H2AZ2: variants seen among roughly 807,000 people sequenced by gnomAD.
H2AZ2 encodes the protein histone H2A.V.
A neutral mutation model predicts 15.5 loss-of-function variants in H2AZ2; 5 were observed. That is an observed-to-expected ratio of 0.32 (90% confidence interval 0.17 to 0.68). The LOEUF (loss-of-function observed/expected upper bound fraction) is 0.68, where lower values mean the gene tolerates loss of function less well. Ranked by LOEUF, H2AZ2 falls within the 30% of genes least tolerant of loss-of-function variation. The pLI, the probability that H2AZ2 is intolerant of heterozygous loss-of-function variation, is 0.72. For synonymous variants in H2AZ2, 44 were observed against 57.4 expected, an observed-to-expected ratio of 0.77 and a Z score of 1.05; for missense variants, 42 against 162.5, an observed-to-expected ratio of 0.26 and a Z score of 4.03.
At chr7:44,839,360 T>C (rs186597642) in intron 3 of H2AZ2, among the ~76,000 whole-genome samples, 135 of 151,916 alleles carry the variant, frequency 8.9e-4, no homozygotes, top group Non-Finnish European at 1.7e-3. Flanking sequence ...CTGGGTAACA[T>C]AGGGAGCCCT....
At chr7:44,828,229 T>C (rs908874163), downstream of H2AZ2, 2 of 152,218 alleles carry the variant, frequency 1.3e-5, no homozygotes, top group African/African-American at 2.4e-5. Flanking sequence ...CATTACTTAT[T>C]ATTATTACTG....
intron 3 of H2AZ2, among the ~76,000 whole-genome samples, chr7:44,838,560 G>T (rs1265677194): frequency 1.3e-5 from 2 of 152,080 alleles, no homozygotes; most frequent in Admixed American, 1.3e-4. Context: ...GGCTGAGGTG[G>T]GAGAATTACT....
At chr7:44,831,557 C>T (rs540404963), downstream of H2AZ2, among the ~76,000 whole-genome samples, 50 of 142,112 alleles carry the variant, frequency 3.5e-4, no homozygotes, top group African/African-American at 1.2e-3. Flanking sequence ...TTTTTTCAAA[C>T]AATCAGCTTT....
At chr7:44,836,070 C>T (rs1793114302) in intron 3 of H2AZ2, among the ~76,000 whole-genome samples, 1 of 149,134 alleles carries the variant, frequency 6.7e-6, no homozygotes, top group African/African-American at 2.5e-5. Flanking sequence ...GGGTTATTCT[C>T]CTGCCCTAGC....
rs759791184 is a variant in H2AZ2, at chr7:44,834,562, C to A, written c.326G>T (p.Gly109Val). The A allele has an allele frequency of 6.3e-7, 1 of 1,596,216 alleles. No homozygotes were observed. The highest frequency in any genetic ancestry group is 8.6e-7 in the Non-Finnish European group (1 of 1,166,446). The change falls in exon 5 of 5, where the codon GGT becomes GTT. Residue 109 changes from glycine (G) to valine (V), a missense_variant and splice_region_variant. Physicochemically the swap from Gly to Val is moderately radical, Grantham distance 109. Coordinates refer to ENST00000308153, the MANE Select transcript of H2AZ2 (RefSeq NM_012412.5). ...SLIKATIAGG[G>V]VIPHIHKSLI... Reference sequence around the variant, plus strand: ...AGATTTGTGGATGTGAGGGATCACACCTAGAATGAAATTTAAAAAAGTTAT... The same window carrying A: ...AGATTTGTGGATGTGAGGGATCACAACTAGAATGAAATTTAAAAAAGTTAT...
At chr7:44,829,023 A>ATC (rs1792964646), downstream of H2AZ2, 1 of 152,182 alleles carries the variant, frequency 6.6e-6, no homozygotes, top group South Asian at 2.1e-4. Flanking sequence ...CCAGGATAAT[A>ATC]TCTCTATTTT....
At chr7:44,843,453 T>C (rs1036727003) in intron 1 of H2AZ2, 99 bp from the exon 2 acceptor site, 3 of 746,078 alleles carry the variant, frequency 4.0e-6, no homozygotes, top group Non-Finnish European at 6.9e-6. Context: ...CTTTAGGTAG[T>C]TAACAATATG....
At chr7:44,847,839 C>A in intron 1 of H2AZ2, 130 bp downstream of exon 1, 2 of 1,284,284 alleles carry the variant, frequency 1.6e-6, no homozygotes, top group South Asian at 2.9e-5. Flanking sequence ...CGGCGGGCGG[C>A]GAGGGGCTCG....
Position 44,846,024 on chromosome 7 carries a change from TACACACACAC to T in H2AZ2, c.3+1935_3+1944del, listed in dbSNP as rs10573522. ...GTTAAGGTTGTTGGTTTTAAAAAAT[TACACACACAC>T]ACACACACACACACACACACACACA... On this transcript the variant is annotated intron_variant, in intron 1 of 4. Coordinates refer to ENST00000308153, the MANE Select transcript of H2AZ2 (RefSeq NM_012412.5). Among the ~76,000 whole-genome samples, 231 of 132,848 alleles carry T rather than the reference TACACACACAC, an allele frequency of 1.7e-3. 1 individual carries two copies. Among genetic ancestry groups the T allele is most frequent in the African/African-American group, 5.4e-3 (199 of 37,122 alleles). 87.2% of individuals were successfully genotyped at this position (132,848 alleles called of 152,430 possible). A position where few individuals can be genotyped will look rare whatever the true frequency, so the allele number is the denominator to read the frequency against.
At chr7:44,846,724 T>A (rs1793420715) in intron 1 of H2AZ2, among the ~76,000 whole-genome samples, 1 of 150,244 alleles carries the variant, frequency 6.7e-6, no homozygotes, top group South Asian at 2.1e-4. Flanking sequence ...CTTTTACAGA[T>A]TAGATGTAAG....
In H2AZ2 at chr7:44,832,249, C is replaced by A. The variant is rs567610863; in HGVS notation, c.*2252G>T. Among the ~76,000 whole-genome samples the A allele has an allele frequency of 6.6e-6, 1 of 152,070 alleles. No homozygotes were observed. Among genetic ancestry groups the A allele is most frequent in the Non-Finnish European group, 1.5e-5 (1 of 68,020 alleles). ...AGTTTGAATATTGACTGGTACTTGG[C>A]ATCAAAAAATGTTTTAGCAGTCTTA... On this transcript the variant is annotated 3_prime_UTR_variant, in exon 5 of 5. Coordinates refer to ENST00000308153, the MANE Select transcript of H2AZ2 (RefSeq NM_012412.5).
In H2AZ2 at chr7:44,833,309, T is replaced by C. The variant is rs1171154430; in HGVS notation, c.*1192A>G. Reference sequence around the variant, plus strand: ...GTGCAGTGGCGCCATCTTGGCTCACTGCAAGCTCCGCCTCCCGGGTTCACG... The same window carrying C: ...GTGCAGTGGCGCCATCTTGGCTCACCGCAAGCTCCGCCTCCCGGGTTCACG... On this transcript the variant is annotated 3_prime_UTR_variant, in exon 5 of 5. Transcript: ENST00000308153. Among the ~76,000 whole-genome samples the C allele has an allele frequency of 6.6e-6, 1 of 152,182 alleles. No homozygotes were observed. Among genetic ancestry groups the C allele is most frequent in the Non-Finnish European group, 1.5e-5 (1 of 68,036 alleles).
chr7:44,840,366 C>T (rs981366609), intron 3 of H2AZ2, among the ~76,000 whole-genome samples: 4 of 152,280 alleles, frequency 2.6e-5, no homozygotes, highest in Non-Finnish European at 5.9e-5. Context: ...GCATTACAGG[C>T]GTGAATCACT....
intron 2 of H2AZ2, 78 bp from the exon 3 acceptor site, chr7:44,841,090 T>A: frequency 2.0e-6 from 2 of 1,022,098 alleles, no homozygotes; most frequent in Non-Finnish European, 3.0e-6. Context: ...CTGAACAATG[T>A]AAGCATGAAA....
intron 3 of H2AZ2, among the ~76,000 whole-genome samples, chr7:44,838,976 C>T (rs775165939): frequency 2.6e-5 from 4 of 152,112 alleles, no homozygotes; most frequent in South Asian, 2.1e-4. Flanking sequence ...GACTTCCCAA[C>T]GGATTTTTTT....
chr7:44,835,955 C>CT (rs56386314), intron 3 of H2AZ2, among the ~76,000 whole-genome samples: 1,738 of 90,882 alleles, frequency 0.019, 55 homozygotes, highest in African/African-American at 0.053. Flanking sequence ...TTAGAAAAGT[C>CT]TTTTTTTTTT....
At chr7:44,846,088 G>A (rs1360994444) in intron 1 of H2AZ2, among the ~76,000 whole-genome samples, 6 of 150,070 alleles carry the variant, frequency 4.0e-5, no homozygotes, top group Non-Finnish European at 8.9e-5. Context: ...GAGAGAGAGA[G>A]GAGGAAGTAG....
chr7:44,827,698 A>G (rs1045774074), downstream of H2AZ2: 1 of 152,230 alleles, frequency 6.6e-6, no homozygotes, highest in African/African-American at 2.4e-5. Flanking sequence ...AACTATCACC[A>G]TATCAACAGG....
intron 2 of H2AZ2, among the ~76,000 whole-genome samples, chr7:44,842,635 C>T (rs1793300669): frequency 6.6e-6 from 1 of 152,180 alleles, no homozygotes; most frequent in Non-Finnish European, 1.5e-5. Context: ...CCTCCATTGG[C>T]CTTCCATTTT....
Sources: gnomAD v4.1 joint callset for allele counts (sites outside exome capture counted in the v4.1 genomes callset) on GRCh38, gnomAD v4.1.1 for gene constraint, MANE v1.5 for transcripts, NCBI Gene and HGNC (gene_info 2026-07-23, HGNC 2026-07-21) for gene names.